Variants in DPP6 observed in about 807,000 individuals in gnomAD.
The protein encoded by DPP6 is A-type potassium channel modulatory protein DPP6.
In DPP6, 69 loss-of-function variants were observed where a neutral mutation model predicts 122.6. That is an observed-to-expected ratio of 0.56 (90% CI 0.46 to 0.69). DPP6 has a LOEUF of 0.69. Ranked by LOEUF, DPP6 falls within the 30% of genes least tolerant of loss-of-function variation. The pLI, the probability that DPP6 is intolerant of heterozygous loss-of-function variation, is 0.00. For synonymous variants in DPP6, 418 were observed against 433.1 expected (o/e 0.97, Z 0.43); for missense variants, 928 against 1,116.9 (o/e 0.83, Z 2.41).
At chr7:154,678,248 C>G (rs917200435) in intron 7 of DPP6, among the ~76,000 whole-genome samples, 5 of 152,222 alleles carry the variant, frequency 3.3e-5, no homozygotes, top group African/African-American at 2.4e-5. Flanking sequence ...AGCTGCAACC[C>G]GCAGCTCGGG....
chr7:154,701,154 C>T (rs910955806), intron 7 of DPP6, among the ~76,000 whole-genome samples: 8 of 152,114 alleles, frequency 5.3e-5, no homozygotes, highest in Non-Finnish European at 8.8e-5. Flanking sequence ...AAGGTCAGGC[C>T]GCAAGAATTA....
intron 1 of DPP6, among the ~76,000 whole-genome samples, chr7:154,440,329 T>C (rs190739139): frequency 3.3e-5 from 5 of 152,124 alleles, no homozygotes; most frequent in Non-Finnish European, 4.4e-5. Flanking sequence ...ATATCCATTA[T>C]CCCTCCCTCA....
intron 6 of DPP6, among the ~76,000 whole-genome samples, chr7:154,641,853 G>A (rs1422607736): frequency 1.3e-5 from 2 of 152,092 alleles, no homozygotes; most frequent in Non-Finnish European, 2.9e-5. Context: ...ACTGCTGGGT[G>A]TTCAAAGGCA....
intron 1 of DPP6, among the ~76,000 whole-genome samples, chr7:154,318,789 C>G (rs753288855): frequency 2.0e-5 from 3 of 152,174 alleles, no homozygotes; most frequent in Non-Finnish European, 4.4e-5. Context: ...CCTTCCCACA[C>G]TATACCCCAC....
chr7:153,979,754 G>A (rs537556410), intron 1 of DPP6, among the ~76,000 whole-genome samples: 2 of 152,146 alleles, frequency 1.3e-5, no homozygotes, highest in Non-Finnish European at 2.9e-5. Context: ...TTTAGCATGA[G>A]GGGGTGTTGA....
the DPP6 span, among the ~76,000 whole-genome samples, chr7:153,757,568 G>A: frequency 2.0e-5 from 3 of 152,244 alleles, no homozygotes; most frequent in South Asian, 2.1e-4. Context: ...GGTGGGCACC[G>A]CTCTCTGGGC....
chr7:154,120,290 G>C (rs1807353618), intron 1 of DPP6, among the ~76,000 whole-genome samples: 1 of 151,018 alleles, frequency 6.6e-6, no homozygotes, highest in South Asian at 2.1e-4. Context: ...TGTAGCCCAG[G>C]CTGGAGTGCA....
At position 154,879,323 on chromosome 7, in the gene DPP6, G is replaced by A. The variant is rs1393867603; in HGVS notation, c.2079-1565G>A. ...CGGCCGGGCGCGGTGGCTCACGCCTGTAATCCCAGCACTTTGGGAGGCCGA... is the reference window on the plus strand; with the variant it reads ...CGGCCGGGCGCGGTGGCTCACGCCTATAATCCCAGCACTTTGGGAGGCCGA... On this transcript the variant is annotated intron_variant, in intron 20 of 25. Coordinates refer to ENST00000377770, the MANE Select transcript of DPP6 (RefSeq NM_130797.4). Among the ~76,000 whole-genome samples, 5 of 93,388 alleles carry A rather than the reference G, an allele frequency of 5.4e-5. 1 individual carries two copies. Among genetic ancestry groups the A allele is most frequent in the African/African-American group, 2.6e-4 (5 of 18,918 alleles). 61.3% of individuals were successfully genotyped at this position (93,388 alleles called of 152,430 possible). A position where few individuals can be genotyped will look rare whatever the true frequency, so the allele number is the denominator to read the frequency against.
At chr7:154,223,713 G>A (rs1385619262) in intron 1 of DPP6, among the ~76,000 whole-genome samples, 1 of 149,498 alleles carries the variant, frequency 6.7e-6, no homozygotes. Context: ...TAGTCCTGCA[G>A]GGCGTGGTGT....
chr7:154,068,293 TGA>T (rs1463984047), intron 1 of DPP6, among the ~76,000 whole-genome samples: 1 of 147,994 alleles, frequency 6.8e-6, no homozygotes. Flanking sequence ...TAATAAGAAT[TGA>T]GAGATTACCC....
intron 5 of DPP6, among the ~76,000 whole-genome samples, chr7:154,636,184 T>G (rs1835714996): frequency 6.6e-6 from 1 of 151,796 alleles, no homozygotes; most frequent in African/African-American, 2.4e-5. Flanking sequence ...GGAGGGAGAG[T>G]TCAGAAACTC....
the DPP6 span, among the ~76,000 whole-genome samples, chr7:153,871,628 G>A: frequency 1.5e-4 from 23 of 152,228 alleles, no homozygotes; most frequent in Middle Eastern, 3.4e-3. Context: ...GCCCTGCTTC[G>A]GCTTACGCAC....
intron 16 of DPP6, among the ~76,000 whole-genome samples, chr7:154,844,442 C>G (rs1256039399): frequency 6.6e-6 from 1 of 152,218 alleles, no homozygotes; most frequent in East Asian, 1.9e-4. Context: ...TCTAGTCTGG[C>G]CAAAGTAGCA....
chr7:154,300,503 G>A (rs1805833449), intron 1 of DPP6, among the ~76,000 whole-genome samples: 1 of 152,358 alleles, frequency 6.6e-6, no homozygotes, highest in Admixed American at 6.5e-5. Context: ...GACCCCTTGA[G>A]CTGCCTGTTT....
intron 1 of DPP6, among the ~76,000 whole-genome samples, chr7:154,079,742 T>C (rs1803854035): frequency 6.6e-6 from 1 of 152,106 alleles, no homozygotes; most frequent in Non-Finnish European, 1.5e-5. Flanking sequence ...GTCTGGACTT[T>C]GCTCCTCTGC....
At chr7:154,767,380 C>G (rs1321982123) in intron 8 of DPP6, among the ~76,000 whole-genome samples, 1 of 152,170 alleles carries the variant, frequency 6.6e-6, no homozygotes, top group Non-Finnish European at 1.5e-5. Context: ...TTCCAGCAGA[C>G]CATCTGCTGG....
intron 2 of DPP6, among the ~76,000 whole-genome samples, chr7:154,451,400 C>T (rs749603212): frequency 1.3e-5 from 2 of 151,048 alleles, no homozygotes; most frequent in African/African-American, 2.4e-5. Context: ...AATGGCTGCC[C>T]GGAGCTTCTT....
At chr7:154,525,721 A>G (rs60974161) in intron 3 of DPP6, among the ~76,000 whole-genome samples, 2,820 of 151,702 alleles carry the variant, frequency 0.019, 103 homozygotes, top group African/African-American at 0.065. Flanking sequence ...TTTTTAATGC[A>G]TAAAATGTCT....
chr7:154,279,059 A>G (rs1368023930), intron 1 of DPP6, among the ~76,000 whole-genome samples: 2 of 148,080 alleles, frequency 1.4e-5, no homozygotes, highest in South Asian at 2.2e-4. Flanking sequence ...GTGTGTATAT[A>G]TGTGTGTGTG....
Sources: gnomAD v4.1 joint callset for allele counts (sites outside exome capture counted in the v4.1 genomes callset) on GRCh38, gnomAD v4.1.1 for gene constraint, MANE v1.5 for transcripts, NCBI Gene and HGNC (gene_info 2026-07-23, HGNC 2026-07-21) for gene names.